Variants in GPHN observed in about 807,000 individuals in gnomAD.
The protein encoded by GPHN is gephyrin.
In GPHN, 17 loss-of-function variants were observed where a neutral mutation model predicts 95.5. That is an observed-to-expected ratio of 0.18 (90% CI 0.12 to 0.27). The LOEUF (loss-of-function observed/expected upper bound fraction) is 0.27, where lower values mean the gene tolerates loss of function less well. Ranked by LOEUF, GPHN falls within the 10% of genes least tolerant of loss-of-function variation. GPHN has a pLI of 1.00. For missense variants in GPHN, 660 were observed against 978.1 expected, an observed-to-expected ratio of 0.67 and a Z score of 4.34; for synonymous variants, 320 against 322.5, an observed-to-expected ratio of 0.99 and a Z score of 0.08.
At chr14:67,100,078 G>A (rs1040140540) in intron 12 of GPHN, among the ~76,000 whole-genome samples, 6 of 150,394 alleles carry the variant, frequency 4.0e-5, no homozygotes, top group Non-Finnish European at 8.9e-5. Context: ...CCCAATTATG[G>A]AATTTTTTTT....
intron 1 of GPHN, among the ~76,000 whole-genome samples, chr14:66,537,162 T>C (rs771766164): frequency 9.2e-5 from 14 of 152,168 alleles, no homozygotes; most frequent in Non-Finnish European, 1.8e-4. Context: ...AAATGTCATA[T>C]AGTCAGGTCA....
chr14:66,999,447 CATGTAATTTATTGTT>C (rs1039695415), intron 9 of GPHN, among the ~76,000 whole-genome samples: 4 of 151,734 alleles, frequency 2.6e-5, no homozygotes, highest in African/African-American at 9.6e-5. Flanking sequence ...AATTTATTGT[CATGTAATTTATTGTT>C]ATGTAATTTA....
the GPHN span, among the ~76,000 whole-genome samples, chr14:67,235,778 A>T: frequency 6.6e-6 from 1 of 152,116 alleles, no homozygotes; most frequent in Non-Finnish European, 1.5e-5. Context: ...CTGGCATAGG[A>T]CCACTCAGAT....
chr14:66,508,420 C>T lies in GPHN; in HGVS notation c.-108C>T. On this transcript the variant is annotated 5_prime_UTR_variant, in exon 1 of 23. Coordinates refer to ENST00000478722, the MANE Select transcript of GPHN (RefSeq NM_020806.5). ...CCTTCCCCGCTCTCCTCGCGCTTCT[C>T]TGGCTCCCTAGCTGTCGCGCTCTCC... The T allele has an allele frequency of 3.1e-6, 3 of 979,682 alleles. No individual in the cohort carries two copies. Among genetic ancestry groups the T allele is most frequent in the African/African-American group, 1.6e-5 (1 of 63,086 alleles). 60.7% of individuals were successfully genotyped at this position (979,682 alleles called of 1,614,324 possible).
At chr14:67,398,927 T>C in the GPHN span, among the ~76,000 whole-genome samples, 4 of 152,258 alleles carry the variant, frequency 2.6e-5, no homozygotes, top group African/African-American at 7.2e-5. Context: ...ATATTTTTAA[T>C]GACGATTATG....
chr14:66,820,790 A>G (rs2061161233), intron 3 of GPHN, among the ~76,000 whole-genome samples: 1 of 151,972 alleles, frequency 6.6e-6, no homozygotes, highest in African/African-American at 2.4e-5. Context: ...TTACGAAGCT[A>G]TGTTGTTTGC....
the GPHN span, chr14:67,350,822 C>T: frequency 3.7e-6 from 3 of 819,824 alleles, no homozygotes; most frequent in East Asian, 8.9e-5. Context: ...TTGATAACGA[C>T]AAACAGAAAT....
the GPHN span, chr14:67,695,576 C>T: frequency 1.2e-4 from 179 of 1,540,104 alleles, no homozygotes; most frequent in Non-Finnish European, 1.5e-4. Flanking sequence ...TTCTATGTTT[C>T]CCTCCCGCCC....
At chr14:66,590,637 A>G (rs1225564609) in intron 1 of GPHN, among the ~76,000 whole-genome samples, 1 of 152,102 alleles carries the variant, frequency 6.6e-6, no homozygotes, top group East Asian at 1.9e-4. Context: ...ACCAATAACA[A>G]GTTCTGAAAT....
intron 2 of GPHN, among the ~76,000 whole-genome samples, chr14:66,732,780 G>T (rs1290707437): frequency 1.3e-5 from 2 of 152,154 alleles, no homozygotes; most frequent in Admixed American, 1.3e-4. Flanking sequence ...CTCCCAAATT[G>T]CTGGGGTTAC....
At chr14:67,522,424 G>T in the GPHN span, among the ~76,000 whole-genome samples, 1 of 152,276 alleles carries the variant, frequency 6.6e-6, no homozygotes, top group South Asian at 2.1e-4. Context: ...TCTGAGGGGG[G>T]ACAAAGGAGT....
At chr14:67,208,178 T>C in the GPHN span, 1 of 1,611,962 alleles carries the variant, frequency 6.2e-7, no homozygotes, top group South Asian at 1.1e-5. Flanking sequence ...TTACCTGATT[T>C]GCTGCTGCTT....
At chr14:67,417,409 A>G in the GPHN span, among the ~76,000 whole-genome samples, 4 of 152,146 alleles carry the variant, frequency 2.6e-5, no homozygotes, top group Non-Finnish European at 4.4e-5. Context: ...AGCATTGGTA[A>G]TCAACACCTC....
chr14:67,703,509 G>A, the GPHN span, among the ~76,000 whole-genome samples: 1 of 152,102 alleles, frequency 6.6e-6, no homozygotes, highest in Middle Eastern at 3.2e-3. Flanking sequence ...TAGTTTCAAA[G>A]TAGGCAGAAA....
At chr14:66,744,228 C>T (rs1470011348) in intron 2 of GPHN, among the ~76,000 whole-genome samples, 3 of 152,218 alleles carry the variant, frequency 2.0e-5, no homozygotes, top group South Asian at 2.1e-4. Flanking sequence ...AATTTTATTA[C>T]GCTACTTTCT....
chr14:67,522,445 C>T, the GPHN span, among the ~76,000 whole-genome samples: 2 of 152,216 alleles, frequency 1.3e-5, no homozygotes, highest in East Asian at 1.9e-4. Flanking sequence ...ATTGTTGAGG[C>T]GAGCCTGGTT....
At chr14:67,524,533 G>A in the GPHN span, among the ~76,000 whole-genome samples, 2 of 152,092 alleles carry the variant, frequency 1.3e-5, no homozygotes, top group Non-Finnish European at 2.9e-5. Flanking sequence ...AGAACCTCCT[G>A]CAGTCCGACC....
chr14:67,343,538 A>G, the GPHN span: 1 of 838,820 alleles, frequency 1.2e-6, no homozygotes, highest in South Asian at 1.7e-5. Flanking sequence ...AACATTTGAG[A>G]ACCAAGACAA....
At chr14:67,526,045 G>T in the GPHN span, among the ~76,000 whole-genome samples, 3 of 152,182 alleles carry the variant, frequency 2.0e-5, no homozygotes, top group African/African-American at 7.2e-5. Flanking sequence ...CCTTATATAT[G>T]AGACCTGTCT....
Sources: allele counts gnomAD v4.1 joint callset (sites outside exome capture counted in the v4.1 genomes callset), GRCh38; gene constraint gnomAD v4.1.1; transcripts MANE v1.5; gene names NCBI Gene and HGNC (gene_info 2026-07-23, HGNC 2026-07-21).